C12orf42: variants seen among roughly 807,000 people sequenced by gnomAD.
C12orf42 encodes the protein chromosome 12 open reading frame 42, also known as uncharacterized protein C12orf42.
Under a neutral mutation model 21.6 loss-of-function variants are expected in C12orf42, and 25 were observed. The ratio of observed to expected loss-of-function variants is 1.16; its 90% confidence interval spans 0.84 to 1.62. The LOEUF (loss-of-function observed/expected upper bound fraction) is 1.62, where lower values mean the gene tolerates loss of function less well. C12orf42 is among the 40% of genes most tolerant of loss of function. C12orf42 has a pLI of 0.00. For missense variants in C12orf42, 483 were observed against 459.3 expected, an observed-to-expected ratio of 1.05 and a Z score of -0.47; for synonymous variants, 174 against 175.0, an observed-to-expected ratio of 0.99 and a Z score of 0.05.
intron 10 of C12orf42, among the ~76,000 whole-genome samples, chr12:103,245,672 T>A (rs1214261115): frequency 1.3e-5 from 2 of 152,092 alleles, no homozygotes; most frequent in Non-Finnish European, 2.9e-5. Context: ...GCCAAAAAAT[T>A]CTTAATTTGT....
At chr12:103,159,841 G>T in the C12orf42 span, among the ~76,000 whole-genome samples, 1 of 152,178 alleles carries the variant, frequency 6.6e-6, no homozygotes, top group Non-Finnish European at 1.5e-5. Context: ...GTTAGTGCAT[G>T]CTTAGAATGC....
chr12:103,471,814 C>T (rs191265377), intron 2 of C12orf42, among the ~76,000 whole-genome samples: 35 of 152,230 alleles, frequency 2.3e-4, no homozygotes, highest in Admixed American at 3.9e-4. Context: ...GCACATTGAC[C>T]TCTCTATTTT....
intron 4 of C12orf42, among the ~76,000 whole-genome samples, chr12:103,366,670 C>T (rs188177887): frequency 1.3e-5 from 2 of 151,918 alleles, no homozygotes; most frequent in Non-Finnish European, 2.9e-5. Context: ...AGACAATTCT[C>T]AAAAGATATA....
At chr12:103,376,404 C>T (rs1010900750) in intron 3 of C12orf42, among the ~76,000 whole-genome samples, 2 of 151,344 alleles carry the variant, frequency 1.3e-5, no homozygotes, top group African/African-American at 2.4e-5. Context: ...CAGGGCCTGT[C>T]GAGGGGTGGG....
the C12orf42 span, among the ~76,000 whole-genome samples, chr12:103,545,367 G>T: frequency 4.6e-5 from 7 of 152,104 alleles, no homozygotes; most frequent in Admixed American, 4.6e-4. Context: ...CCCAATATTT[G>T]TAGAAATAAA....
chr12:103,166,076 A>AGAAGGAAG, the C12orf42 span, among the ~76,000 whole-genome samples: 410 of 150,918 alleles, frequency 2.7e-3, no homozygotes, highest in Middle Eastern at 0.027. Context: ...AGAGAGAGAG[A>AGAAGGAAG]GAAGGAAGGA....
chr12:103,289,043 C>T (rs909462509), intron 4 of C12orf42, among the ~76,000 whole-genome samples: 1 of 152,084 alleles, frequency 6.6e-6, no homozygotes, highest in South Asian at 2.1e-4. Context: ...AATAGAAATA[C>T]ATAAAAGATC....
chr12:103,161,288 A>C, the C12orf42 span, among the ~76,000 whole-genome samples: 1 of 152,176 alleles, frequency 6.6e-6, no homozygotes, highest in Non-Finnish European at 1.5e-5. Flanking sequence ...GGATTGAAAA[A>C]GTGTCCTTTT....
chr12:103,446,256 G>A (rs1951568202), intron 2 of C12orf42, among the ~76,000 whole-genome samples: 1 of 151,848 alleles, frequency 6.6e-6, no homozygotes, highest in African/African-American at 2.4e-5. Flanking sequence ...TTTGAATCCA[G>A]TGAAACTAAG....
intron 4 of C12orf42, among the ~76,000 whole-genome samples, chr12:103,293,380 A>G (rs1428281636): frequency 6.6e-6 from 1 of 152,084 alleles, no homozygotes; most frequent in African/African-American, 2.4e-5. Context: ...GTTGTATTCT[A>G]TTCCTGAAAG....
the C12orf42 span, among the ~76,000 whole-genome samples, chr12:103,168,716 T>C: frequency 6.6e-6 from 1 of 152,158 alleles, no homozygotes; most frequent in Admixed American, 6.5e-5. Flanking sequence ...CACATGTATG[T>C]TTATTGCAGC....
At chr12:103,464,959 G>A (rs1953004221) in intron 2 of C12orf42, among the ~76,000 whole-genome samples, 1 of 152,174 alleles carries the variant, frequency 6.6e-6, no homozygotes. Context: ...TGCTGTTTTA[G>A]TTACTGTAGC....
the C12orf42 span, among the ~76,000 whole-genome samples, chr12:103,122,438 G>A: frequency 6.6e-6 from 1 of 152,106 alleles, no homozygotes; most frequent in Non-Finnish European, 1.5e-5. Context: ...TTAAGTATCT[G>A]CTATGTGTCA....
the C12orf42 span, among the ~76,000 whole-genome samples, chr12:103,210,639 C>CTTTTTTTTTTTTTTTTTT: frequency 2.1e-4 from 16 of 77,644 alleles, no homozygotes; most frequent in East Asian, 4.3e-4. Flanking sequence ...CCCTCTATTT[C>CTTTTTTTTTTTTTTTTTT]TTTTTTTTTT....
chr12:103,330,339 T>C (rs967481559), intron 4 of C12orf42, among the ~76,000 whole-genome samples: 17 of 152,224 alleles, frequency 1.1e-4, no homozygotes, highest in Non-Finnish European at 5.9e-5. Flanking sequence ...TATTGTTTTA[T>C]CTTATTTTGC....
chr12:103,499,929 G>T (rs2138282724), upstream of C12orf42, among the ~76,000 whole-genome samples: 1 of 152,284 alleles, frequency 6.6e-6, no homozygotes, highest in South Asian at 2.1e-4. Flanking sequence ...ACTTAAATTA[G>T]ATCAGTAACA....
chr12:103,553,472 AT>A, the C12orf42 span, among the ~76,000 whole-genome samples: 1 of 152,124 alleles, frequency 6.6e-6, no homozygotes, highest in African/African-American at 2.4e-5. Context: ...TCCAGAAAAG[AT>A]TTTTCCCATC....
chr12:103,559,327 A>G, the C12orf42 span: 1 of 115,610 alleles, frequency 8.6e-6, no homozygotes, highest in South Asian at 2.5e-4. Flanking sequence ...TTGCTGGAAG[A>G]ATGAAGTGTG....
intron 2 of C12orf42, among the ~76,000 whole-genome samples, chr12:103,423,971 A>C (rs977610936): frequency 1.3e-5 from 2 of 152,274 alleles, no homozygotes; most frequent in Non-Finnish European, 2.9e-5. Flanking sequence ...GATGGATTTC[A>C]AAGTAAATGC....
Sources: gnomAD v4.1 joint callset for allele counts (sites outside exome capture counted in the v4.1 genomes callset) on GRCh38, gnomAD v4.1.1 for gene constraint, MANE v1.5 for transcripts, NCBI Gene and HGNC (gene_info 2026-07-23, HGNC 2026-07-21) for gene names.